The following KALRN variants were observed in gnomAD, a reference collection of about 807,000 sequenced individuals.
The protein encoded by KALRN is kalirin.
In KALRN, 70 loss-of-function variants were observed where a neutral mutation model predicts 353.7. That is an observed-to-expected ratio of 0.20 (90% CI 0.16 to 0.24). The LOEUF (loss-of-function observed/expected upper bound fraction) is 0.24. KALRN is among the 10% of genes least tolerant of loss of function. The probability of loss-of-function intolerance (pLI) is 1.00; values close to 1 mark genes in which losing one functional copy is unlikely to be tolerated. For synonymous variants in KALRN, 1,391 were observed against 1,434.8 expected (o/e 0.97, Z 0.69); for missense variants, 2,791 against 3,756.7 (o/e 0.74, Z 6.72).
At chr3:124,521,568 C>T (rs866772628) in intron 33 of KALRN, among the ~76,000 whole-genome samples, 14 of 152,290 alleles carry the variant, frequency 9.2e-5, no homozygotes, top group Middle Eastern at 3.4e-3. Context: ...TAGACTGCCC[C>T]CAAGCCCCAG....
At chr3:124,416,668 C>T (rs1302488523) in intron 14 of KALRN, among the ~76,000 whole-genome samples, 1 of 152,222 alleles carries the variant, frequency 6.6e-6, no homozygotes, top group Non-Finnish European at 1.5e-5. Flanking sequence ...GGTAGATTCA[C>T]AGCAGAGCTG....
intron 8 of KALRN, among the ~76,000 whole-genome samples, chr3:124,333,682 G>T (rs1247418559): frequency 6.6e-6 from 1 of 152,126 alleles, no homozygotes; most frequent in East Asian, 1.9e-4. Context: ...GAGGTTAGGA[G>T]TTCAAGACCA....
At chr3:124,463,622 A>G (rs1345375683) in intron 25 of KALRN, among the ~76,000 whole-genome samples, 1 of 152,170 alleles carries the variant, frequency 6.6e-6, no homozygotes, top group Non-Finnish European at 1.5e-5. Flanking sequence ...ATTTTAATAG[A>G]TTCAGATTTA....
chr3:124,376,995 T>C (rs78513010), intron 10 of KALRN, among the ~76,000 whole-genome samples: 1 of 151,872 alleles, frequency 6.6e-6, no homozygotes, highest in Non-Finnish European at 1.5e-5. Context: ...CAAGAATGAA[T>C]GTAATTCAAA....
At chr3:124,558,738 A>G (rs922745328) in intron 33 of KALRN, among the ~76,000 whole-genome samples, 1 of 152,250 alleles carries the variant, frequency 6.6e-6, no homozygotes, top group African/African-American at 2.4e-5. Context: ...GAGGTGAAGT[A>G]ACTTGCTCCT....
chr3:124,282,379 CTTTTTTTT>C (rs34148546), intron 5 of KALRN, among the ~76,000 whole-genome samples: 6 of 134,808 alleles, frequency 4.5e-5, no homozygotes, highest in Non-Finnish European at 6.3e-5. Context: ...CTACATTTTT[CTTTTTTTT>C]TTTTTTTTGA....
At chr3:124,606,165 A>C (rs1012556128) in intron 34 of KALRN, among the ~76,000 whole-genome samples, 1 of 152,270 alleles carries the variant, frequency 6.6e-6, no homozygotes, top group Non-Finnish European at 1.5e-5. Flanking sequence ...AGTTTCAGAA[A>C]ACACAGAGAG....
chr3:124,240,332 A>G (rs1372758112), intron 3 of KALRN, among the ~76,000 whole-genome samples: 1 of 152,198 alleles, frequency 6.6e-6, no homozygotes, highest in Non-Finnish European at 1.5e-5. Context: ...TGGGAAACAT[A>G]TGGCCCCTCA....
intron 34 of KALRN, among the ~76,000 whole-genome samples, chr3:124,625,492 A>G (rs650632): frequency 0.35 from 53,570 of 151,854 alleles, 10,912 homozygotes; most frequent in African/African-American, 0.56. Context: ...AGGCTGAGGC[A>G]GGAGGATCCC....
chr3:124,133,965 T>C (rs2065616369), intron 1 of KALRN, among the ~76,000 whole-genome samples: 1 of 152,122 alleles, frequency 6.6e-6, no homozygotes, highest in Non-Finnish European at 1.5e-5. Context: ...AAAAGCAAGC[T>C]ACAAATTCAA....
chr3:124,109,022 G>C (rs1467495084), intron 1 of KALRN, among the ~76,000 whole-genome samples: 2 of 152,068 alleles, frequency 1.3e-5, no homozygotes, highest in East Asian at 3.9e-4. Flanking sequence ...TTCTCCTCCT[G>C]CTTCTCCTTC....
Position 124,329,998 on chromosome 3 carries a change from A to G in KALRN, c.1416+6A>G, listed in dbSNP as rs752363169. 6.2e-7 allele frequency: 1 copy of G among 1,613,114 alleles called. No homozygotes were observed. The highest frequency in any genetic ancestry group is 1.3e-5 in the African/African-American group (1 of 74,958). On this transcript the variant is annotated splice_donor_region_variant and intron_variant, in intron 8 of 59. Coordinates refer to ENST00000682506, the MANE Select transcript of KALRN (RefSeq NM_001388419.1). The stretch of plus-strand genomic sequence containing the variant: ...TGACCCAAGCCTACACAGAGGTGAG[A>G]ATGGAGCAGGGCAACCATGGTTCTT...
chr3:124,243,510 A>C lies in KALRN; in HGVS notation c.263+8567A>C, dbSNP rs150420418. Among the ~76,000 whole-genome samples, 146 of 152,316 alleles carry C rather than the reference A, an allele frequency of 9.6e-4. 1 individual carries two copies. The highest frequency in any genetic ancestry group is 1.9e-3 in the Non-Finnish European group (130 of 68,016). ...ATCAAGGACCCACCCAGCACTGGAC[A>C]AAAGAATTCCTAATAAGTGAGGGTA... On this transcript the variant is annotated intron_variant, in intron 3 of 59. Transcript: ENST00000682506.
chr3:124,226,480 C>T (rs73186283), intron 1 of KALRN, among the ~76,000 whole-genome samples: 7,680 of 152,024 alleles, frequency 0.051, 307 homozygotes, highest in East Asian at 0.18. Flanking sequence ...TAAAGAGAAA[C>T]GACTGATGAA....
At chr3:124,236,557 C>T (rs547112969) in intron 3 of KALRN, among the ~76,000 whole-genome samples, 1 of 152,280 alleles carries the variant, frequency 6.6e-6, no homozygotes, top group African/African-American at 2.4e-5. Flanking sequence ...TCCCGGAAGA[C>T]ACAAAGGGTA....
intron 45 of KALRN, among the ~76,000 whole-genome samples, chr3:124,664,368 TGTGC>T (rs1362883280): frequency 0.019 from 2,548 of 132,154 alleles, 34 homozygotes; most frequent in South Asian, 0.045. Flanking sequence ...TGTGTGTGTG[TGTGC>T]GCGCGCGCGC....
At chr3:124,412,622 C>G (rs547133878) in intron 13 of KALRN, among the ~76,000 whole-genome samples, 1 of 152,182 alleles carries the variant, frequency 6.6e-6, no homozygotes, top group African/African-American at 2.4e-5. Context: ...GAGAGTAGAC[C>G]CAGTGAAGTC....
At chr3:124,668,355 G>GTCA (rs2085941054) in intron 47 of KALRN, among the ~76,000 whole-genome samples, 1 of 152,236 alleles carries the variant, frequency 6.6e-6, no homozygotes, top group Non-Finnish European at 1.5e-5. Context: ...ACCTTGAGGA[G>GTCA]TCATGACATT....
chr3:124,716,535 A>T (rs2063142351), intron 58 of KALRN, among the ~76,000 whole-genome samples: 1 of 152,104 alleles, frequency 6.6e-6, no homozygotes, highest in Non-Finnish European at 1.5e-5. Flanking sequence ...AACAAAACAA[A>T]CAAACAACAA....
Sources: gnomAD v4.1 joint callset for allele counts (sites outside exome capture counted in the v4.1 genomes callset) on GRCh38, gnomAD v4.1.1 for gene constraint, MANE v1.5 for transcripts, NCBI Gene and HGNC (gene_info 2026-07-23, HGNC 2026-07-21) for gene names.